Variants in LINGO2 observed in about 807,000 individuals in gnomAD.
LINGO2 encodes leucine rich repeat and Ig domain containing 2.
LINGO2 carries 14 observed loss-of-function variants against 30.6 expected under a neutral mutation model. The observed-to-expected ratio is 0.46, with a 90% CI of 0.30 to 0.72. The LOEUF is 0.72. Ranked by LOEUF, LINGO2 falls within the 30% of genes least tolerant of loss-of-function variation. LINGO2 has a pLI of 0.07. For synonymous variants in LINGO2, 317 were observed against 288.5 expected (o/e 1.10, Z -1.00); for missense variants, 729 against 751.7 (o/e 0.97, Z 0.35).
the LINGO2 span, among the ~76,000 whole-genome samples, chr9:28,688,884 T>C: frequency 1.3e-5 from 2 of 152,138 alleles, no homozygotes; most frequent in African/African-American, 4.8e-5. Flanking sequence ...CTGTCTGTCT[T>C]TTTCCCCTTA....
intron 2 of LINGO2, among the ~76,000 whole-genome samples, chr9:28,385,821 G>A (rs1361067834): frequency 6.6e-6 from 1 of 152,170 alleles, no homozygotes; most frequent in Non-Finnish European, 1.5e-5. Flanking sequence ...TGGACCCAGA[G>A]AGAAAGGAGG....
the LINGO2 span, among the ~76,000 whole-genome samples, chr9:29,143,903 T>C: frequency 2.0e-5 from 3 of 152,180 alleles, no homozygotes; most frequent in African/African-American, 7.2e-5. Flanking sequence ...ATAGTTTGGG[T>C]TGCACATTAA....
At chr9:28,022,991 A>G (rs1037209584) in intron 4 of LINGO2, among the ~76,000 whole-genome samples, 11 of 151,910 alleles carry the variant, frequency 7.2e-5, no homozygotes, top group Middle Eastern at 3.4e-3. Flanking sequence ...TTTTCATTCT[A>G]TTTTTTATTT....
chr9:28,862,754 C>T, the LINGO2 span, among the ~76,000 whole-genome samples: 2 of 152,036 alleles, frequency 1.3e-5, no homozygotes, highest in South Asian at 4.1e-4. Flanking sequence ...TACCATTGAA[C>T]TTAAATAAGA....
the LINGO2 span, among the ~76,000 whole-genome samples, chr9:29,150,708 T>C: frequency 6.6e-6 from 1 of 152,148 alleles, no homozygotes; most frequent in African/African-American, 2.4e-5. Flanking sequence ...CAACAGTCAA[T>C]TTTTTTGATT....
intron 5 of LINGO2, among the ~76,000 whole-genome samples, chr9:27,981,534 CAA>C (rs763284293): frequency 2.5e-4 from 10 of 39,848 alleles, no homozygotes; most frequent in Non-Finnish European, 3.7e-4. Context: ...ACGAGGATGG[CAA>C]AAAAAAAAAA....
chr9:29,158,860 C>A, the LINGO2 span, among the ~76,000 whole-genome samples: 1 of 150,324 alleles, frequency 6.7e-6, no homozygotes, highest in Admixed American at 6.7e-5. Flanking sequence ...ATATCCTAAA[C>A]CCTTATCCCT....
At chr9:28,179,890 G>A (rs1828865412) in intron 4 of LINGO2, among the ~76,000 whole-genome samples, 1 of 151,860 alleles carries the variant, frequency 6.6e-6, no homozygotes, top group South Asian at 2.1e-4. Flanking sequence ...ACTCTGGTAT[G>A]TTAAATTAGA....
chr9:29,165,345 G>A, the LINGO2 span, among the ~76,000 whole-genome samples: 1 of 152,024 alleles, frequency 6.6e-6, no homozygotes. Flanking sequence ...CTGGAGATAC[G>A]GCAGTGAAAA....
the LINGO2 span, among the ~76,000 whole-genome samples, chr9:29,182,918 A>G: frequency 6.6e-6 from 1 of 152,232 alleles, no homozygotes; most frequent in Non-Finnish European, 1.5e-5. Flanking sequence ...ATACTGAGAT[A>G]CAAAACTAGA....
chr9:28,445,836 TTC>T (rs1331205626), intron 2 of LINGO2, among the ~76,000 whole-genome samples: 1 of 152,196 alleles, frequency 6.6e-6, no homozygotes, highest in East Asian at 1.9e-4. Flanking sequence ...CCTTTTGTGA[TTC>T]TCTGTTAACC....
chr9:28,123,155 A>C (rs923083768), intron 4 of LINGO2, among the ~76,000 whole-genome samples: 4 of 152,370 alleles, frequency 2.6e-5, no homozygotes, highest in African/African-American at 9.6e-5. Context: ...CGGTGAATGG[A>C]GAAAAGGGGC....
At chr9:29,113,397 G>C in the LINGO2 span, among the ~76,000 whole-genome samples, 1 of 152,146 alleles carries the variant, frequency 6.6e-6, no homozygotes, top group Non-Finnish European at 1.5e-5. Context: ...ATAGATAACT[G>C]ATTTTAAGAA....
At chr9:29,113,704 C>G in the LINGO2 span, among the ~76,000 whole-genome samples, 1 of 152,158 alleles carries the variant, frequency 6.6e-6, no homozygotes, top group Non-Finnish European at 1.5e-5. Flanking sequence ...GATCTTGAAG[C>G]ATTTCTTCAA....
the LINGO2 span, among the ~76,000 whole-genome samples, chr9:28,945,600 T>C: frequency 6.6e-5 from 10 of 152,178 alleles, no homozygotes; most frequent in African/African-American, 2.4e-4. Flanking sequence ...ATACCAGAAT[T>C]GCTCTGGTTC....
chr9:29,027,457 C>T, the LINGO2 span, among the ~76,000 whole-genome samples: 1 of 152,100 alleles, frequency 6.6e-6, no homozygotes, highest in South Asian at 2.1e-4. Flanking sequence ...CCTGCCTCAG[C>T]CACCTGAGTA....
the LINGO2 span, among the ~76,000 whole-genome samples, chr9:29,075,173 C>A: frequency 1.3e-5 from 2 of 152,078 alleles, no homozygotes; most frequent in African/African-American, 2.4e-5. Context: ...TCAGGCTATT[C>A]TACTCATTAT....
chr9:28,617,031 G>T (rs755555344), intron 1 of LINGO2, among the ~76,000 whole-genome samples: 1 of 152,016 alleles, frequency 6.6e-6, no homozygotes, highest in Non-Finnish European at 1.5e-5. Flanking sequence ...TGGCAACAAA[G>T]TATTTATAAA....
intron 1 of LINGO2, among the ~76,000 whole-genome samples, chr9:28,609,150 T>C (rs1825808462): frequency 7.6e-6 from 1 of 131,974 alleles, no homozygotes; most frequent in Non-Finnish European, 1.6e-5. Flanking sequence ...ATTAATGAGC[T>C]AAAGAGTTTT....
Sources: allele counts gnomAD v4.1 joint callset (sites outside exome capture counted in the v4.1 genomes callset), GRCh38; gene constraint gnomAD v4.1.1; transcripts MANE v1.5; gene names NCBI Gene and HGNC (gene_info 2026-07-23, HGNC 2026-07-21).